The following SLC9A8 variants were observed in gnomAD, a reference collection of about 807,000 sequenced individuals.
The protein encoded by SLC9A8 is sodium/hydrogen exchanger 8.
Under a neutral mutation model 66.6 loss-of-function variants are expected in SLC9A8, and 48 were observed. That is an observed-to-expected ratio of 0.72 (90% CI 0.57 to 0.92). SLC9A8 has a LOEUF of 0.92. Ranked by LOEUF, SLC9A8 falls within the 40% of genes least tolerant of loss-of-function variation. SLC9A8 has a pLI of 0.00. For synonymous variants in SLC9A8, 274 were observed against 282.6 expected (o/e 0.97, Z 0.31); for missense variants, 599 against 747.3 (o/e 0.80, Z 2.31).
chr20:49,884,458 C>T (rs902928003), intron 14 of SLC9A8, among the ~76,000 whole-genome samples: 5 of 152,020 alleles, frequency 3.3e-5, no homozygotes, highest in African/African-American at 7.2e-5. Flanking sequence ...TGGACGACCC[C>T]ATCTGCTCCC....
intron 4 of SLC9A8, among the ~76,000 whole-genome samples, chr20:49,843,872 C>A (rs2087867154): frequency 6.6e-6 from 1 of 152,060 alleles, no homozygotes; most frequent in Admixed American, 6.6e-5. Flanking sequence ...GATGCCCTTG[C>A]TGGGGGAGGG....
intron 2 of SLC9A8, among the ~76,000 whole-genome samples, chr20:49,818,088 CTT>C (rs2086620489): frequency 1.3e-5 from 2 of 151,746 alleles, no homozygotes; most frequent in African/African-American, 4.8e-5. Context: ...TATAATATGA[CTT>C]TTAAAGTAAC....
chr20:49,862,024 G>A (rs2088760746), intron 8 of SLC9A8, among the ~76,000 whole-genome samples: 1 of 151,864 alleles, frequency 6.6e-6, no homozygotes, highest in African/African-American at 2.4e-5. Context: ...CACCTTTCCT[G>A]GGCTCTTTCC....
chr20:49,880,901 A>T, intron 12 of SLC9A8, 23 bp from the exon 13 acceptor site: 1 of 1,511,334 alleles, frequency 6.6e-7, no homozygotes, highest in Non-Finnish European at 9.2e-7. Flanking sequence ...TTCACCTAAG[A>T]CTTAGTTTGT....
chr20:49,834,179 CTCTCTCTATATA>C (rs1433044408), intron 3 of SLC9A8, among the ~76,000 whole-genome samples: 814 of 54,634 alleles, frequency 0.015, 12 homozygotes, highest in African/African-American at 0.052. Flanking sequence ...CTCTCTCTCT[CTCTCTCTATATA>C]TATATATATA....
At chr20:49,819,460 A>G (rs552084282) in intron 2 of SLC9A8, among the ~76,000 whole-genome samples, 4 of 152,342 alleles carry the variant, frequency 2.6e-5, no homozygotes, top group African/African-American at 7.2e-5. Flanking sequence ...ATGGGGTCCC[A>G]TAACTTGCCT....
intron 11 of SLC9A8, among the ~76,000 whole-genome samples, chr20:49,877,550 T>G (rs186298598): frequency 1.4e-4 from 22 of 152,238 alleles, no homozygotes; most frequent in Non-Finnish European, 2.5e-4. Flanking sequence ...TTAAATATAT[T>G]AAGCTAATCA....
At chr20:49,821,979 G>A (rs925824925) in intron 2 of SLC9A8, among the ~76,000 whole-genome samples, 1 of 152,224 alleles carries the variant, frequency 6.6e-6, no homozygotes, top group African/African-American at 2.4e-5. Flanking sequence ...CAATACTGCA[G>A]CACCTACCAG....
intron 3 of SLC9A8, among the ~76,000 whole-genome samples, chr20:49,836,135 A>C (rs6020077): frequency 0.43 from 65,459 of 151,990 alleles, 14,974 homozygotes; most frequent in African/African-American, 0.58. Flanking sequence ...AGATTTGTCT[A>C]TTGTGGACAT....
intron 11 of SLC9A8, among the ~76,000 whole-genome samples, chr20:49,877,143 AAAT>A (rs2089455439): frequency 6.6e-6 from 1 of 151,202 alleles, no homozygotes; most frequent in African/African-American, 2.4e-5. Context: ...AAAAAAAAAA[AAAT>A]AGCTGGGCGT....
Position 49,886,928 on chromosome 20 carries a change from G to T in SLC9A8, c.1638+30G>T, listed in dbSNP as rs1204522919. The T allele has an allele frequency of 1.9e-6, 3 of 1,598,126 alleles. No homozygotes were observed. The highest frequency in any genetic ancestry group is 3.4e-5 in the Admixed American group (2 of 59,026). On this transcript the variant is annotated intron_variant, in intron 15 of 15. Transcript: ENST00000361573. The surrounding 1 kb of genome is among the most constrained non-coding windows in gnomAD (Gnocchi z 4.8). ...GATACCGGCCAGGCCACACTTTCTG[G>T]GGGTCCCTTGCCTGCCTCCTTCAGG...
chr20:49,868,081 C>T (rs1376239905), intron 10 of SLC9A8, among the ~76,000 whole-genome samples: 5 of 152,198 alleles, frequency 3.3e-5, no homozygotes, highest in South Asian at 4.1e-4. Context: ...GTGAGTCATT[C>T]GGCTCTAGCC....
At chr20:49,818,979 CT>C (rs1309670824) in intron 2 of SLC9A8, among the ~76,000 whole-genome samples, 3 of 152,144 alleles carry the variant, frequency 2.0e-5, no homozygotes, top group African/African-American at 7.2e-5. Flanking sequence ...GAAATGGTAA[CT>C]TTTGTGTCCT....
intron 8 of SLC9A8, among the ~76,000 whole-genome samples, chr20:49,856,592 C>A (rs1301598323): frequency 6.6e-6 from 1 of 152,154 alleles, no homozygotes; most frequent in South Asian, 2.1e-4. Context: ...AAGGCCAAGG[C>A]GGGTGGATCA....
intron 10 of SLC9A8, among the ~76,000 whole-genome samples, chr20:49,870,166 C>T (rs2089158956): frequency 6.6e-6 from 1 of 152,188 alleles, no homozygotes; most frequent in Non-Finnish European, 1.5e-5. Context: ...AATGTCCACC[C>T]TATGCTGAGA....
At chr20:49,855,722 A>G in intron 8 of SLC9A8, 141 bp downstream of exon 8, 2 of 816,490 alleles carry the variant, frequency 2.4e-6, no homozygotes, top group African/African-American at 1.7e-5. Flanking sequence ...CTTTCTCTGT[A>G]TTTCTGTCCT....
intron 2 of SLC9A8, among the ~76,000 whole-genome samples, chr20:49,819,669 C>T (rs543319381): frequency 1.3e-5 from 2 of 152,252 alleles, no homozygotes; most frequent in South Asian, 4.1e-4. Context: ...TTCATCACCC[C>T]AAAAGAAAAC....
chr20:49,820,309 G>A lies in SLC9A8; in HGVS notation c.209-2752G>A, dbSNP rs531559661. On this transcript the variant is annotated intron_variant, in intron 2 of 15. Coordinates refer to ENST00000361573, the MANE Select transcript of SLC9A8 (RefSeq NM_015266.3). ...TTCGAGACCAGCCTGGCAATATGGC[G>A]AAACCCTGTCTCTCCTAAAAATACA... 5.9e-5 allele frequency among the ~76,000 whole-genome samples: 9 copies of A among 151,940 alleles called. No individual in the cohort carries two copies. The South Asian group carries it at 6.2e-4, about 11-fold the overall frequency.
At position 49,892,184 on chromosome 20, in the gene SLC9A8, A is replaced by G. The variant is rs2090060139; in HGVS notation, c.*4248A>G. The G allele has an allele frequency of 6.6e-6, 1 of 152,202 alleles. No homozygotes were observed. Among genetic ancestry groups the G allele is most frequent in the Admixed American group, 6.5e-5 (1 of 15,294 alleles). 9.4% of individuals were successfully genotyped at this position (152,202 alleles called of 1,614,324 possible). A position where few individuals can be genotyped will look rare whatever the true frequency, so the allele number is the denominator to read the frequency against. The stretch of plus-strand genomic sequence containing the variant: ...CTTTAAGGGAGTCAGGAATAGATGT[A>G]TGAACAGTCGTGTCACTGGATGCCT... On this transcript the variant is annotated 3_prime_UTR_variant, in exon 16 of 16. Coordinates refer to ENST00000361573, the MANE Select transcript of SLC9A8 (RefSeq NM_015266.3).
Sources: gnomAD v4.1 joint callset for allele counts (sites outside exome capture counted in the v4.1 genomes callset) on GRCh38, gnomAD v4.1.1 for gene constraint, Gnocchi (gnomAD v3.1) non-coding constraint, MANE v1.5 for transcripts, NCBI Gene and HGNC (gene_info 2026-07-23, HGNC 2026-07-21) for gene names.